The following NKAIN3 variants were observed in gnomAD, a reference collection of about 807,000 sequenced individuals.
The protein encoded by NKAIN3 is sodium/potassium transporting ATPase interacting 3.
Under a neutral mutation model 30.2 loss-of-function variants are expected in NKAIN3, and 25 were observed. The observed-to-expected ratio is 0.83, with a 90% CI of 0.60 to 1.16. The LOEUF is 1.16. Ranked by LOEUF, NKAIN3 falls within the 50% of genes most tolerant of loss-of-function variation. NKAIN3 has a pLI of 0.00. For missense variants in NKAIN3, 225 were observed against 254.1 expected, an observed-to-expected ratio of 0.89 and a Z score of 0.78; for synonymous variants, 91 against 89.6, an observed-to-expected ratio of 1.02 and a Z score of -0.09.
At chr8:62,485,815 G>T (rs147714285) in intron 1 of NKAIN3, among the ~76,000 whole-genome samples, 16 of 152,322 alleles carry the variant, frequency 1.1e-4, no homozygotes, top group African/African-American at 2.9e-4. Context: ...AGGTCAACTT[G>T]AGAGGTTGAA....
chr8:62,544,306 T>A (rs1480637650), intron 1 of NKAIN3, among the ~76,000 whole-genome samples: 2 of 152,158 alleles, frequency 1.3e-5, no homozygotes, highest in Admixed American at 1.3e-4. Context: ...TCCAGACTTG[T>A]GTATTTTTTT....
intron 1 of NKAIN3, among the ~76,000 whole-genome samples, chr8:62,564,307 A>G (rs564706569): frequency 6.6e-6 from 1 of 152,170 alleles, no homozygotes; most frequent in South Asian, 2.1e-4. Flanking sequence ...GCTCACTGCA[A>G]TACCTTCTGT....
chr8:62,587,833 CA>C (rs1810527111), intron 2 of NKAIN3, among the ~76,000 whole-genome samples: 1 of 151,964 alleles, frequency 6.6e-6, no homozygotes, highest in South Asian at 2.1e-4. Flanking sequence ...TTTGCCTTTG[CA>C]AGTTCAGAAG....
chr8:62,956,067 A>T (rs1823409856), intron 6 of NKAIN3, among the ~76,000 whole-genome samples: 1 of 152,222 alleles, frequency 6.6e-6, no homozygotes, highest in Non-Finnish European at 1.5e-5. Context: ...TTGTGCATGA[A>T]ACAATTTAAG....
intron 6 of NKAIN3, among the ~76,000 whole-genome samples, chr8:62,958,390 G>T (rs1224975484): frequency 6.6e-6 from 1 of 152,010 alleles, no homozygotes; most frequent in Non-Finnish European, 1.5e-5. Flanking sequence ...TACCACAACT[G>T]CTATCGAGGG....
At chr8:62,837,146 G>T (rs1242114684) in intron 4 of NKAIN3, among the ~76,000 whole-genome samples, 1 of 152,042 alleles carries the variant, frequency 6.6e-6, no homozygotes, top group Non-Finnish European at 1.5e-5. Context: ...TGTGTATAAC[G>T]CACTGGCATT....
chr8:62,393,023 G>T (rs1319921331), intron 1 of NKAIN3, among the ~76,000 whole-genome samples: 4 of 151,198 alleles, frequency 2.6e-5, no homozygotes, highest in Non-Finnish European at 5.9e-5. Context: ...CATGGTGCAG[G>T]TCTCTAAATT....
At chr8:62,308,196 A>G (rs1471602074) in intron 1 of NKAIN3, among the ~76,000 whole-genome samples, 1 of 150,444 alleles carries the variant, frequency 6.6e-6, no homozygotes, top group African/African-American at 2.5e-5. Flanking sequence ...TTTCTTGAGG[A>G]TAACTCTGTG....
chr8:62,415,374 G>C (rs929804091), intron 1 of NKAIN3, among the ~76,000 whole-genome samples: 3 of 148,614 alleles, frequency 2.0e-5, no homozygotes, highest in Non-Finnish European at 3.0e-5. Context: ...GATCAGAAAA[G>C]TCTGGATTAT....
At chr8:62,748,345 GAAAA>G (rs796096512) in intron 4 of NKAIN3, among the ~76,000 whole-genome samples, 3 of 148,506 alleles carry the variant, frequency 2.0e-5, no homozygotes. Context: ...CTCTTTCTGG[GAAAA>G]AAAAAAAATT....
chr8:62,675,763 AAGC>A (rs1813456287), intron 3 of NKAIN3, among the ~76,000 whole-genome samples: 1 of 152,182 alleles, frequency 6.6e-6, no homozygotes, highest in Non-Finnish European at 1.5e-5. Flanking sequence ...TTCCTTATAA[AAGC>A]AGGTGGACAT....
chr8:62,407,994 G>A (rs1804127436), intron 1 of NKAIN3, among the ~76,000 whole-genome samples: 1 of 152,156 alleles, frequency 6.6e-6, no homozygotes, highest in Non-Finnish European at 1.5e-5. Context: ...CAGTTATCCA[G>A]CACTCTACGC....
In NKAIN3 at chr8:62,595,378, T is replaced by C. The variant is rs541419101; in HGVS notation, c.273+5584T>C. Among the ~76,000 whole-genome samples, 60 of 73,996 alleles carry C rather than the reference T, an allele frequency of 8.1e-4. 1 individual carries two copies. The highest frequency in any genetic ancestry group is 2.5e-3 in the African/African-American group (59 of 23,214). The allele number at this position is 73,996 out of a possible 152,430, so 48.5% of individuals were successfully genotyped here. ...CACCATTTGGGGTTTTTTGGGGCTA[T>C]TTTCTTTTTTTTTTTTTTTTTTTGC... On this transcript the variant is annotated intron_variant, in intron 3 of 6. Transcript: ENST00000623646.
intron 5 of NKAIN3, among the ~76,000 whole-genome samples, chr8:62,943,654 C>A (rs1162953013): frequency 6.6e-6 from 1 of 150,882 alleles, no homozygotes; most frequent in African/African-American, 2.4e-5. Flanking sequence ...CATCAGTCAA[C>A]AAGTGCATAA....
intron 3 of NKAIN3, among the ~76,000 whole-genome samples, chr8:62,654,781 T>G (rs1159524960): frequency 6.6e-6 from 1 of 152,024 alleles, no homozygotes; most frequent in African/African-American, 2.4e-5. Flanking sequence ...ACAGGAGGCT[T>G]TTTTCCATGA....
At chr8:62,787,746 T>C (rs1817569485) in intron 4 of NKAIN3, among the ~76,000 whole-genome samples, 1 of 152,154 alleles carries the variant, frequency 6.6e-6, no homozygotes, top group Admixed American at 6.6e-5. Context: ...GTTCTCATTG[T>C]TCAATTCCCA....
chr8:62,812,705 T>A (rs1818529344), intron 4 of NKAIN3, among the ~76,000 whole-genome samples: 1 of 151,840 alleles, frequency 6.6e-6, no homozygotes, highest in Non-Finnish European at 1.5e-5. Flanking sequence ...TGCTTTTTAC[T>A]ACACTCAATT....
chr8:62,475,600 A>G (rs1237025949), intron 1 of NKAIN3, among the ~76,000 whole-genome samples: 1 of 152,196 alleles, frequency 6.6e-6, no homozygotes, highest in East Asian at 1.9e-4. Context: ...GAAAGCTTGT[A>G]CCAATTAGGA....
intron 4 of NKAIN3, among the ~76,000 whole-genome samples, chr8:62,834,870 A>C (rs557443392): frequency 1.2e-3 from 186 of 152,268 alleles, no homozygotes; most frequent in African/African-American, 4.3e-3. Context: ...TTTAATAGCC[A>C]AGGCAATCGT....
Sources: gnomAD v4.1 joint callset for allele counts (sites outside exome capture counted in the v4.1 genomes callset) on GRCh38, gnomAD v4.1.1 for gene constraint, MANE v1.5 for transcripts, NCBI Gene and HGNC (gene_info 2026-07-23, HGNC 2026-07-21) for gene names.